PALM2AKAP2: variants seen among roughly 807,000 people sequenced by gnomAD.
PALM2AKAP2 encodes the protein PALM2-AKAP2 fusion protein.
PALM2AKAP2 carries 37 observed loss-of-function variants against 71.5 expected under a neutral mutation model. The observed-to-expected ratio is 0.52, with a 90% CI of 0.40 to 0.68. The LOEUF (loss-of-function observed/expected upper bound fraction) is 0.68. PALM2AKAP2 is among the 30% of genes least tolerant of loss of function. PALM2AKAP2 has a pLI of 0.00. For synonymous variants in PALM2AKAP2, 468 were observed against 478.8 expected (o/e 0.98, Z 0.29); for missense variants, 1,224 against 1,191.8 (o/e 1.03, Z -0.40).
chr9:109,760,273 A>G (rs566374154), intron 1 of PALM2AKAP2: 1 of 152,340 alleles, frequency 6.6e-6, no homozygotes, highest in South Asian at 2.1e-4. Context: ...AAATCATGCC[A>G]GTAGTTAGGC....
At chr9:109,696,361 T>C (rs79392956) in intron 1 of PALM2AKAP2, among the ~76,000 whole-genome samples, 1 of 152,174 alleles carries the variant, frequency 6.6e-6, no homozygotes, top group South Asian at 2.1e-4. Flanking sequence ...GAACTTCTCA[T>C]AGTAAGAGAA....
intron 1 of PALM2AKAP2, among the ~76,000 whole-genome samples, chr9:109,698,339 G>A (rs1029751625): frequency 6.7e-6 from 1 of 148,428 alleles, no homozygotes; most frequent in African/African-American, 2.5e-5. Flanking sequence ...GTGCAATGGC[G>A]TGATCTCAGC....
Position 110,089,484 on chromosome 9 carries a change from GA to G in PALM2AKAP2, c.156+40630del, listed in dbSNP as rs575353775. On this transcript the variant is annotated intron_variant, in intron 1 of 3. Transcript: ENST00000374525. ...CACAGTTACCCCTTGGCCTTAGAAG[GA>G]GGAAGCCAGACATCCTAACTCTGAC... 6.6e-5 allele frequency among the ~76,000 whole-genome samples: 10 copies of G among 152,270 alleles called. No homozygotes were observed. In the East Asian group the frequency reaches 1.7e-3, roughly 26 times the overall value.
At position 109,880,812 on chromosome 9, in the gene PALM2AKAP2, A is replaced by G. The variant is rs890897248; in HGVS notation, c.257+131A>G. 10 of 1,328,606 alleles carry G rather than the reference A, an allele frequency of 7.5e-6. No individual in the cohort carries two copies. The African/African-American group carries it at 1.5e-4, about 19-fold the overall frequency. The allele number at this position is 1,328,606 out of a possible 1,614,324, so 82.3% of individuals were successfully genotyped here. ...TGAGAATTTTCTTCCTAAACAAAGC[A>G]CATTGATGTTGTTTAAACTTTTCCA... On this transcript the variant is annotated intron_variant, in intron 3 of 9. Transcript: ENST00000302798.
intron 6 of PALM2AKAP2, among the ~76,000 whole-genome samples, chr9:110,002,987 C>T (rs147076657): frequency 0.02 from 2,995 of 152,118 alleles, 102 homozygotes; most frequent in African/African-American, 0.068. Context: ...AACCACCTCC[C>T]GGATTCATTG....
chr9:109,992,844 C>T (rs1564249366), intron 6 of PALM2AKAP2, among the ~76,000 whole-genome samples: 1 of 151,934 alleles, frequency 6.6e-6, no homozygotes, highest in Admixed American at 6.6e-5. Context: ...GAAGACCACA[C>T]AGTCTTGGTG....
chr9:109,800,924 G>A (rs1026186709), intron 1 of PALM2AKAP2, among the ~76,000 whole-genome samples: 6 of 152,190 alleles, frequency 3.9e-5, no homozygotes, highest in Non-Finnish European at 5.9e-5. Flanking sequence ...CAGGCAACTG[G>A]CTTATGTGTC....
intron 4 of PALM2AKAP2, among the ~76,000 whole-genome samples, chr9:109,924,447 A>C (rs1282609283): frequency 6.6e-6 from 1 of 152,104 alleles, no homozygotes; most frequent in Non-Finnish European, 1.5e-5. Flanking sequence ...AAAATACAAA[A>C]AAATTAGCCA....
intron 1 of PALM2AKAP2, among the ~76,000 whole-genome samples, chr9:109,671,368 C>A (rs1213966766): frequency 6.6e-6 from 1 of 152,092 alleles, no homozygotes; most frequent in African/African-American, 2.4e-5. Context: ...AGATTTCTTT[C>A]CTTATTGCTT....
intron 1 of PALM2AKAP2, among the ~76,000 whole-genome samples, chr9:109,782,272 TACTC>T (rs915723546): frequency 5.2e-4 from 79 of 152,334 alleles, no homozygotes; most frequent in Middle Eastern, 6.8e-3. Context: ...TACACACAAA[TACTC>T]ACTTGTGCCT....
intron 3 of PALM2AKAP2, among the ~76,000 whole-genome samples, chr9:109,901,233 A>G (rs1830324521): frequency 6.6e-6 from 1 of 152,220 alleles, no homozygotes; most frequent in African/African-American, 2.4e-5. Flanking sequence ...CTAAATGGGC[A>G]ATGTCAGCAG....
intron 1 of PALM2AKAP2, among the ~76,000 whole-genome samples, chr9:110,102,188 G>A (rs981004084): frequency 1.3e-5 from 2 of 152,162 alleles, no homozygotes; most frequent in Non-Finnish European, 2.9e-5. Flanking sequence ...CTGTAGGACG[G>A]CTTTGTGTCT....
intron 2 of PALM2AKAP2, among the ~76,000 whole-genome samples, chr9:110,153,063 A>G (rs1222436545): frequency 6.6e-6 from 1 of 152,194 alleles, no homozygotes; most frequent in Admixed American, 6.5e-5. Context: ...CCTGCTCCAG[A>G]ACTGCTAAGC....
At chr9:109,784,065 A>G (rs1189145622) in intron 1 of PALM2AKAP2, among the ~76,000 whole-genome samples, 3 of 152,246 alleles carry the variant, frequency 2.0e-5, no homozygotes, top group African/African-American at 4.8e-5. Flanking sequence ...CTACACTCAC[A>G]TGCTCCTTTC....
intron 3 of PALM2AKAP2, among the ~76,000 whole-genome samples, chr9:109,881,089 C>T (rs534169805): frequency 9.1e-4 from 138 of 152,210 alleles, no homozygotes; most frequent in African/African-American, 3.1e-3. Flanking sequence ...TCTACGTGTC[C>T]GTGTGTTCCA....
At chr9:109,844,958 T>TGTGTGTGTGC (rs1361967426) in intron 1 of PALM2AKAP2, among the ~76,000 whole-genome samples, 1 of 148,804 alleles carries the variant, frequency 6.7e-6, no homozygotes, top group African/African-American at 2.6e-5. Flanking sequence ...TGTGTGTGTG[T>TGTGTGTGTGC]GCATGTGCAC....
intron 1 of PALM2AKAP2, among the ~76,000 whole-genome samples, chr9:110,073,111 T>C (rs1834241982): frequency 6.6e-6 from 1 of 152,222 alleles, no homozygotes; most frequent in African/African-American, 2.4e-5. Flanking sequence ...TTACAATTGA[T>C]TCTGTAATTT....
At chr9:109,691,924 A>G (rs1213215130) in intron 1 of PALM2AKAP2, among the ~76,000 whole-genome samples, 2 of 119,886 alleles carry the variant, frequency 1.7e-5, no homozygotes, top group African/African-American at 3.9e-5. Context: ...ATATATATAT[A>G]CACATATATA....
intron 1 of PALM2AKAP2, among the ~76,000 whole-genome samples, chr9:110,073,745 G>A (rs188982753): frequency 3.3e-5 from 5 of 152,168 alleles, no homozygotes; most frequent in African/African-American, 1.2e-4. Context: ...CTTTTCTCTG[G>A]GGAAGTTCTG....
Sources: gnomAD v4.1 joint callset for allele counts (sites outside exome capture counted in the v4.1 genomes callset) on GRCh38, gnomAD v4.1.1 for gene constraint, MANE v1.5 for transcripts, NCBI Gene and HGNC (gene_info 2026-07-23, HGNC 2026-07-21) for gene names.